TRPV5: variants seen among roughly 807,000 people sequenced by gnomAD.
The protein encoded by TRPV5 is transient receptor potential cation channel subfamily V member 5.
Under a neutral mutation model 74.1 loss-of-function variants are expected in TRPV5, and 66 were observed. That is an observed-to-expected ratio of 0.89 (90% CI 0.73 to 1.09). The LOEUF (loss-of-function observed/expected upper bound fraction) is 1.09. TRPV5 is among the 50% of genes least tolerant of loss of function. The pLI is 0.00. For missense variants in TRPV5, 936 were observed against 930.4 expected (o/e 1.01, Z -0.08); for synonymous variants, 399 against 360.7 (o/e 1.11, Z -1.20).
chr7:142,921,285 A>T (rs1380387363), intron 8 of TRPV5, among the ~76,000 whole-genome samples: 8 of 152,032 alleles, frequency 5.3e-5, no homozygotes, highest in Non-Finnish European at 7.4e-5. Flanking sequence ...CCATTTTTTT[A>T]AATTTATTTA....
chr7:142,915,501 A>G lies in TRPV5; in HGVS notation c.1190T>C (p.Val397Ala). 1 of 1,614,164 alleles carries G rather than the reference A, an allele frequency of 6.2e-7. No homozygotes were observed. The highest frequency in any genetic ancestry group is 8.5e-7 in the Non-Finnish European group (1 of 1,180,020). ...VGELVSIVGA[V>A]IILLLEIPDI... Reference sequence around the variant, plus strand: ...CCTCACCTCTAGGAGCAGGATGATCACAGCCCCAACGATGCTCACCAGCTC... The same window carrying G: ...CCTCACCTCTAGGAGCAGGATGATCGCAGCCCCAACGATGCTCACCAGCTC... Residue 397 changes from valine (V) to alanine (A), a missense_variant, in exon 9 of 15, where the codon GTG (valine) becomes GCG (alanine). Physicochemically the swap from Val to Ala is moderately conservative, Grantham distance 64. Coordinates refer to ENST00000265310, the MANE Select transcript of TRPV5 (RefSeq NM_019841.7).
chr7:142,915,639 A>T, intron 8 of TRPV5, 71 bp from the exon 9 acceptor site: 1 of 1,479,994 alleles, frequency 6.8e-7, no homozygotes, highest in South Asian at 1.2e-5. Flanking sequence ...AATGATCGAA[A>T]GCTGCTAAAG....
Position 142,915,625 on chromosome 7 carries a change from T to C in TRPV5, c.1123-57A>G, listed in dbSNP as rs4252483. On this transcript the variant is annotated intron_variant, in intron 8 of 14. Transcript: ENST00000265310. ...TGATGGGCAGAGTCAAATCCTTTTG[T>C]GCAAATGATCGAAAGCTGCTAAAGC... 5.9e-3 allele frequency: 9,228 copies of C among 1,570,750 alleles called. 404 individuals carry two copies. In the African/African-American group the frequency reaches 0.1, roughly 17 times the overall value.
chr7:142,933,654 G>C lies in TRPV5; in HGVS notation c.-195C>G, dbSNP rs543763815. ...GCAGTATGTGGGTTGTGGGGTGTGCGTGTATGCACAGTGTGTGGCTGTGGT... is the reference window on the plus strand; with the variant it reads ...GCAGTATGTGGGTTGTGGGGTGTGCCTGTATGCACAGTGTGTGGCTGTGGT... On this transcript the variant is annotated 5_prime_UTR_variant, in exon 1 of 15. Coordinates refer to ENST00000265310, the MANE Select transcript of TRPV5 (RefSeq NM_019841.7). The C allele has an allele frequency of 3.0e-6, 2 of 670,970 alleles. No homozygotes were observed. Among genetic ancestry groups the C allele is most frequent in the Non-Finnish European group, 5.0e-6 (2 of 399,368 alleles). The allele number at this position is 670,970 out of a possible 1,614,324, so 41.6% of individuals were successfully genotyped here.
chr7:142,912,117 A>G (rs765891993), intron 13 of TRPV5, among the ~76,000 whole-genome samples: 2 of 152,256 alleles, frequency 1.3e-5, no homozygotes, highest in Non-Finnish European at 2.9e-5. Flanking sequence ...CTATGGTGAT[A>G]TAAAGAAAAG....
intron 8 of TRPV5, among the ~76,000 whole-genome samples, chr7:142,923,467 G>A (rs1470209818): frequency 2.0e-5 from 3 of 152,032 alleles, no homozygotes; most frequent in African/African-American, 4.8e-5. Context: ...TCAGGGCCAG[G>A]GCTCAAAGCA....
intron 10 of TRPV5, 76 bp from the exon 11 acceptor site, chr7:142,915,122 G>A: frequency 5.1e-6 from 8 of 1,561,918 alleles, no homozygotes; most frequent in African/African-American, 2.7e-5. Context: ...GGTGACCGGG[G>A]TGGTATCCAC....
rs767497345 is a variant in TRPV5, at chr7:142,912,717, G to A, written c.1553C>T (p.Thr518Ile). 3 of 1,614,076 alleles carry A rather than the reference G, an allele frequency of 1.9e-6. No homozygotes were observed. The highest frequency in any genetic ancestry group is 1.3e-5 in the African/African-American group (1 of 74,940). Reference sequence around the variant, plus strand: ...GTAGTCATAGAATTGCCCCAGACTGGTTGGGTCCTCTGTCTGGAAAATGAT... The same window carrying A: ...GTAGTCATAGAATTGCCCCAGACTGATTGGGTCCTCTGTCTGGAAAATGAT... ...FYIIFQTEDPTSLGQFYDYPM... is the reference protein window; with the variant it reads ...FYIIFQTEDPISLGQFYDYPM... The change falls in exon 13 of 15, where the codon ACC becomes ATC. Residue 518 changes from threonine to isoleucine, a missense_variant. By Grantham distance (89) the Thr-to-Ile change is moderately conservative. Transcript: ENST00000265310.
chr7:142,909,585 G>T lies in TRPV5; in HGVS notation c.1800C>A (p.Thr600=). The T allele has an allele frequency of 6.2e-7, 1 of 1,613,894 alleles. No homozygotes were observed. Among genetic ancestry groups the T allele is most frequent in the South Asian group, 1.1e-5 (1 of 91,060 alleles). ...DELWRAQVVA[T]TVMLERKLPR... The stretch of plus-strand genomic sequence containing the variant: ...GCAGCTTCCGCTCCAGCATCACTGT[G>T]GTGGCCACGACCTGGAAGGAGGCAG... The change falls in exon 14 of 15, where the codon ACC becomes ACA. Residue 600 remains threonine (T), a synonymous_variant. Transcript: ENST00000265310.
At position 142,908,727 on chromosome 7, in the gene TRPV5, G is replaced by A; in HGVS notation, c.1977C>T (p.Asp659=). ...GCTGTTTCTCAGATGGATGCTCCTG[G>A]TCATCCTCCTTGTCTGAGTTCTTGA... The part of the protein sequence containing the change: ...EVFKNSDKED[D]QEHPSEKQPS... The change falls in exon 15 of 15, where the codon GAC becomes GAT. Residue 659 remains aspartate (D), a synonymous_variant. Coordinates refer to ENST00000265310, the MANE Select transcript of TRPV5 (RefSeq NM_019841.7). 3.1e-6 allele frequency: 5 copies of A among 1,614,144 alleles called. No individual in the cohort carries two copies. The highest frequency in any genetic ancestry group is 4.2e-6 in the Non-Finnish European group (5 of 1,180,022).
intron 8 of TRPV5, among the ~76,000 whole-genome samples, chr7:142,922,414 A>T (rs1401439542): frequency 1.3e-5 from 2 of 152,350 alleles, no homozygotes; most frequent in African/African-American, 4.8e-5. Context: ...GGTGGGCCTA[A>T]GACTGGAAAG....
chr7:142,933,312 G>A lies in TRPV5; in HGVS notation c.128+20C>T. ...TGAGGATCACGGCGGTAGGGCCACG[G>A]ATCGTTCTAGGAAGCCTACCTCTTC... On this transcript the variant is annotated intron_variant, in intron 1 of 14. Transcript: ENST00000265310. 2.5e-6 allele frequency: 4 copies of A among 1,611,806 alleles called. No homozygotes were observed. Among genetic ancestry groups the A allele is most frequent in the Non-Finnish European group, 3.4e-6 (4 of 1,179,402 alleles).
chr7:142,914,659 G>T lies in TRPV5; in HGVS notation c.1500C>A (p.Val500=). The change falls in exon 12 of 15, where the codon GTC becomes GTA. Residue 500 remains valine (V), a synonymous_variant. Transcript: ENST00000265310. ...LMRFCWLMAV[V]ILGFASAFYI... ...CCTTACCGGAGGCAAATCCCAAGAT[G>T]ACCACAGCCATCAGCCAGCAGAAAC... 1.2e-6 allele frequency: 2 copies of T among 1,613,654 alleles called. No homozygotes were observed. Among genetic ancestry groups the T allele is most frequent in the Non-Finnish European group, 8.5e-7 (1 of 1,179,838 alleles).
At chr7:142,918,879 A>G (rs1165587651) in intron 8 of TRPV5, among the ~76,000 whole-genome samples, 2 of 152,240 alleles carry the variant, frequency 1.3e-5, no homozygotes, top group Non-Finnish European at 2.9e-5. Flanking sequence ...CTGTGAGATA[A>G]GAATTTAAAA....
chr7:142,915,635 C>G, intron 8 of TRPV5, 67 bp from the exon 9 acceptor site: 1 of 1,517,804 alleles, frequency 6.6e-7, no homozygotes, highest in Non-Finnish European at 9.1e-7. Flanking sequence ...TGCAAATGAT[C>G]GAAAGCTGCT....
At chr7:142,928,636 A>G (rs1191343990) in intron 6 of TRPV5, 55 bp downstream of exon 6, 5 of 1,560,272 alleles carry the variant, frequency 3.2e-6, no homozygotes, top group Non-Finnish European at 4.3e-6. Context: ...CAGGGCCAGC[A>G]GGATAGGTTG....
rs572535037 is a variant in TRPV5 at position 142,929,799 on chromosome 7, T to C, written c.350-234A>G. On this transcript the variant is annotated intron_variant, in intron 3 of 14. Transcript: ENST00000265310. ...AGGGGATTGCTATGAATATAATCAT[T>C]CTCATGTTGCTATGAGAGAAAGAAA... Among the ~76,000 whole-genome samples, 5 of 152,282 alleles carry C rather than the reference T, an allele frequency of 3.3e-5. 1 individual carries two copies. Among genetic ancestry groups the C allele is most frequent in the Admixed American group, 3.3e-4 (5 of 15,304 alleles).
At chr7:142,914,557 A>G (rs1673321676) in intron 12 of TRPV5, 83 bp downstream of exon 12, 1 of 1,195,980 alleles carries the variant, frequency 8.4e-7, no homozygotes, top group Non-Finnish European at 1.2e-6. Flanking sequence ...TGAAGTGCAA[A>G]TGAGAACTGA....
intron 1 of TRPV5, among the ~76,000 whole-genome samples, chr7:142,931,328 G>A (rs561117415): frequency 6.6e-6 from 1 of 152,170 alleles, no homozygotes; most frequent in South Asian, 2.1e-4. Context: ...AGGTTATTTA[G>A]ATACAGGTCC....
Sources: allele counts gnomAD v4.1 joint callset (sites outside exome capture counted in the v4.1 genomes callset), GRCh38; gene constraint gnomAD v4.1.1; transcripts MANE v1.5; gene names NCBI Gene and HGNC (gene_info 2026-07-23, HGNC 2026-07-21).